The following MAP3K7CL variants were observed in gnomAD, a reference collection of about 807,000 sequenced individuals.
The protein encoded by MAP3K7CL is MAP3K7 C-terminal-like protein.
Under a neutral mutation model 18.6 loss-of-function variants are expected in MAP3K7CL, and 16 were observed. The ratio of observed to expected loss-of-function variants is 0.86; its 90% confidence interval spans 0.58 to 1.31. The LOEUF is 1.31. Among genes scored for constraint, MAP3K7CL ranks in the 50% most tolerant of loss-of-function variants. The probability of loss-of-function intolerance (pLI) is 0.00; values close to 1 mark genes in which losing one functional copy is unlikely to be tolerated. For missense variants in MAP3K7CL, 163 were observed against 174.4 expected, an observed-to-expected ratio of 0.93 and a Z score of 0.37; for synonymous variants, 65 against 66.8, an observed-to-expected ratio of 0.97 and a Z score of 0.13.
intron 2 of MAP3K7CL, among the ~76,000 whole-genome samples, chr21:29,143,445 G>A (rs910610343): frequency 3.3e-5 from 5 of 150,810 alleles, no homozygotes; most frequent in Non-Finnish European, 7.4e-5. Context: ...TTTTTGAGGC[G>A]GAGTTTCACT....
intron 1 of MAP3K7CL, among the ~76,000 whole-genome samples, chr21:29,089,168 C>CAAAAAAAAAAAAAAAAAAAA: frequency 1.5e-5 from 1 of 68,532 alleles, no homozygotes; most frequent in African/African-American, 5.2e-5. Flanking sequence ...GACTCCGTCT[C>CAAAAAAAAAAAAAAAAAAAA]AAAAAAAAAA....
chr21:29,094,885 C>G (rs891115814), intron 4 of MAP3K7CL, among the ~76,000 whole-genome samples: 1 of 152,084 alleles, frequency 6.6e-6, no homozygotes, highest in African/African-American at 2.4e-5. Context: ...GGCAAAACCC[C>G]ATCTCTACCA....
At chr21:29,123,501 A>C (rs986010209) in intron 4 of MAP3K7CL, among the ~76,000 whole-genome samples, 1 of 152,216 alleles carries the variant, frequency 6.6e-6, no homozygotes, top group Non-Finnish European at 1.5e-5. Flanking sequence ...ATATTAAAAA[A>C]CATTATGGAG....
chr21:29,151,246 C>T (rs952552681), intron 3 of MAP3K7CL, among the ~76,000 whole-genome samples: 9 of 151,364 alleles, frequency 5.9e-5, no homozygotes, highest in African/African-American at 1.7e-4. Flanking sequence ...GAGGCTGAGG[C>T]GGGTGGATAA....
At chr21:29,137,352 G>A (rs1405482115) in intron 2 of MAP3K7CL, among the ~76,000 whole-genome samples, 1 of 152,180 alleles carries the variant, frequency 6.6e-6, no homozygotes, top group Admixed American at 6.5e-5. Flanking sequence ...AGGTGGGTGG[G>A]ATGTGCAAAA....
Position 29,160,089 on chromosome 21 carries a change from G to A in MAP3K7CL, c.248+33G>A, listed in dbSNP as rs552327574. 216 of 1,559,158 alleles carry A rather than the reference G, an allele frequency of 1.4e-4. 5 individuals are homozygous for A. Among genetic ancestry groups the A allele is most frequent in the South Asian group, 1.3e-3 (115 of 89,566 alleles). ...CCTACCCCCCTCACTCTACATCTGA[G>A]CACTGCCTACTGGGCAAGGACCAGG... is the stretch of plus-strand genomic sequence containing the variant. On this transcript the variant is annotated intron_variant, in intron 4 of 4. Coordinates refer to ENST00000399928, the MANE Select transcript of MAP3K7CL (RefSeq NM_001286620.2).
chr21:29,165,210 T>G (rs923179040), intron 4 of MAP3K7CL, among the ~76,000 whole-genome samples: 2 of 152,240 alleles, frequency 1.3e-5, no homozygotes, highest in African/African-American at 4.8e-5. Context: ...CACTTATTTA[T>G]TTTTTTGGTA....
intron 2 of MAP3K7CL, among the ~76,000 whole-genome samples, chr21:29,140,636 A>G (rs2086985886): frequency 6.6e-6 from 1 of 152,234 alleles, no homozygotes; most frequent in Non-Finnish European, 1.5e-5. Flanking sequence ...GCTTCCCGAC[A>G]ACAAATAGCT....
intron 4 of MAP3K7CL, among the ~76,000 whole-genome samples, chr21:29,164,655 A>C (rs1190938312): frequency 6.6e-6 from 1 of 152,226 alleles, no homozygotes; most frequent in Non-Finnish European, 1.5e-5. Flanking sequence ...AACATTTTCT[A>C]GGATTATAAA....
chr21:29,099,261 ATTTTTT>A (rs968362985), intron 4 of MAP3K7CL, among the ~76,000 whole-genome samples: 3 of 83,028 alleles, frequency 3.6e-5, no homozygotes, highest in Non-Finnish European at 6.5e-5. Context: ...CAGCTAATTG[ATTTTTT>A]TTTTTTTTTT....
chr21:29,132,016 A>G (rs1308721440), intron 1 of MAP3K7CL, among the ~76,000 whole-genome samples: 4 of 152,230 alleles, frequency 2.6e-5, no homozygotes, highest in African/African-American at 7.2e-5. Flanking sequence ...TGCCATTTTT[A>G]GAGCTATTTC....
chr21:29,120,294 T>C (rs896496957), intron 4 of MAP3K7CL, among the ~76,000 whole-genome samples: 1 of 152,160 alleles, frequency 6.6e-6, no homozygotes, highest in Non-Finnish European at 1.5e-5. Flanking sequence ...TGAAAAGGTA[T>C]CTCCTACAAA....
chr21:29,106,190 C>CT (rs202062043), intron 4 of MAP3K7CL, among the ~76,000 whole-genome samples: 212 of 151,478 alleles, frequency 1.4e-3, no homozygotes, highest in African/African-American at 4.5e-3. Flanking sequence ...GAAAACGGCA[C>CT]TTTTTTTTTG....
chr21:29,133,088 A>T (rs908828642), intron 1 of MAP3K7CL, among the ~76,000 whole-genome samples: 1 of 152,232 alleles, frequency 6.6e-6, no homozygotes, highest in Non-Finnish European at 1.5e-5. Context: ...CTAGATGTAT[A>T]TTGCAAAAGC....
chr21:29,139,188 G>A (rs2086948923), intron 2 of MAP3K7CL: 1 of 152,184 alleles, frequency 6.6e-6, no homozygotes, highest in Non-Finnish European at 1.5e-5. Flanking sequence ...GCAACAAGTT[G>A]GGTGTTATGT....
At chr21:29,084,292 T>A (rs1460854539), upstream of MAP3K7CL, among the ~76,000 whole-genome samples, 3 of 152,092 alleles carry the variant, frequency 2.0e-5, no homozygotes. Flanking sequence ...TTACTATATA[T>A]AGATTCTATT....
intron 2 of MAP3K7CL, among the ~76,000 whole-genome samples, chr21:29,140,902 C>G (rs1408291775): frequency 6.6e-6 from 1 of 152,154 alleles, no homozygotes; most frequent in East Asian, 1.9e-4. Context: ...CTCAGCCTCC[C>G]AAGTAGCTAG....
At chr21:29,153,649 A>G (rs1348600291) in intron 3 of MAP3K7CL, among the ~76,000 whole-genome samples, 1 of 152,072 alleles carries the variant, frequency 6.6e-6, no homozygotes, top group African/African-American at 2.4e-5. Context: ...GGGTTTTGCC[A>G]TGTTGCCCAG....
upstream of MAP3K7CL, chr21:29,085,859 A>G (rs773062789): frequency 1.3e-5 from 21 of 1,614,052 alleles, no homozygotes; most frequent in South Asian, 2.2e-5. Flanking sequence ...CAAAGCGACT[A>G]GATGGTTCAG....
Sources: allele counts gnomAD v4.1 joint callset (sites outside exome capture counted in the v4.1 genomes callset), GRCh38; gene constraint gnomAD v4.1.1; transcripts MANE v1.5; gene names NCBI Gene and HGNC (gene_info 2026-07-23, HGNC 2026-07-21).